The following FER variants were observed in gnomAD, a reference collection of about 807,000 sequenced individuals.
The protein encoded by FER is tyrosine-protein kinase Fer.
A neutral mutation model predicts 111.0 loss-of-function variants in FER; 63 were observed. The observed-to-expected ratio is 0.57, with a 90% CI of 0.46 to 0.70. The LOEUF is 0.70. FER is among the 30% of genes least tolerant of loss of function. The pLI is 0.00. For missense variants in FER, 914 were observed against 954.0 expected, an observed-to-expected ratio of 0.96 and a Z score of 0.55; for synonymous variants, 327 against 313.9, an observed-to-expected ratio of 1.04 and a Z score of -0.44.
At chr5:109,068,194 A>AT (rs1305169987) in intron 16 of FER, among the ~76,000 whole-genome samples, 1 of 137,950 alleles carries the variant, frequency 7.2e-6, no homozygotes, top group Non-Finnish European at 1.6e-5. Flanking sequence ...TTTTTTTTTC[A>AT]TTTTTTTGAG....
At chr5:109,017,735 A>C (rs1475782937) in intron 13 of FER, among the ~76,000 whole-genome samples, 1 of 151,976 alleles carries the variant, frequency 6.6e-6, no homozygotes, top group Non-Finnish European at 1.5e-5. Flanking sequence ...GCTTTAAGAT[A>C]AAATATAAGT....
At chr5:109,101,387 A>G (rs997589974) in intron 17 of FER, among the ~76,000 whole-genome samples, 1 of 151,930 alleles carries the variant, frequency 6.6e-6, no homozygotes, top group African/African-American at 2.4e-5. Context: ...TCTGAGGGGA[A>G]TCATTGTCCA....
chr5:109,009,044 CTTTTTT>C (rs1030906789), intron 13 of FER, among the ~76,000 whole-genome samples: 12 of 116,014 alleles, frequency 1.0e-4, no homozygotes, highest in African/African-American at 4.0e-4. Context: ...CCTCTTCAGT[CTTTTTT>C]TTTTTTTTTT....
chr5:109,151,181 A>G (rs1350242438), intron 17 of FER, among the ~76,000 whole-genome samples: 1 of 152,138 alleles, frequency 6.6e-6, no homozygotes, highest in African/African-American at 2.4e-5. Context: ...CTTTGTTTTT[A>G]CATTTGTTTT....
intron 3 of FER, among the ~76,000 whole-genome samples, chr5:108,808,780 C>T (rs904632838): frequency 1.3e-5 from 2 of 152,116 alleles, no homozygotes; most frequent in African/African-American, 2.4e-5. Flanking sequence ...TGTGAGGCGA[C>T]CTGGTATAGA....
At chr5:109,018,492 T>C (rs1186577710) in intron 13 of FER, among the ~76,000 whole-genome samples, 2 of 151,788 alleles carry the variant, frequency 1.3e-5, no homozygotes, top group Non-Finnish European at 1.5e-5. Flanking sequence ...CAATTTTCTG[T>C]GTGGTTTGGT....
chr5:109,183,364 T>A (rs923839715), intron 18 of FER, among the ~76,000 whole-genome samples: 14 of 151,156 alleles, frequency 9.3e-5, no homozygotes, highest in Non-Finnish European at 1.8e-4. Flanking sequence ...TTCTCCTGTC[T>A]CAGCCTCCCC....
intron 3 of FER, among the ~76,000 whole-genome samples, chr5:108,822,748 AT>A (rs770174355): frequency 0.049 from 5,039 of 102,238 alleles, 265 homozygotes; most frequent in African/African-American, 0.15. Flanking sequence ...ATTTTATTTT[AT>A]TTTATTTTAT....
At chr5:108,825,210 G>GT (rs1759325998) in intron 3 of FER, among the ~76,000 whole-genome samples, 1 of 152,158 alleles carries the variant, frequency 6.6e-6, no homozygotes. Context: ...AATTTATTAG[G>GT]TGGGAATTTC....
rs547416909 is a variant in FER, at chr5:109,186,145, G to A, written c.2204-55G>A. 5.0e-6 allele frequency: 8 copies of A among 1,613,114 alleles called. No individual in the cohort carries two copies. In the South Asian group the frequency reaches 5.5e-5, roughly 11 times the overall value. ...ACACAGACATACATAACCAGGAAGG[G>A]TCACCTACTTGTCTACTGTGCCTCA... On this transcript the variant is annotated intron_variant, in intron 18 of 19. Coordinates refer to ENST00000281092, the MANE Select transcript of FER (RefSeq NM_005246.4).
rs549457074 is a variant in FER, at chr5:108,828,792, T to C, written c.208-3978T>C. Among the ~76,000 whole-genome samples, 7 of 152,324 alleles carry C rather than the reference T, an allele frequency of 4.6e-5. No individual in the cohort carries two copies. The East Asian group carries it at 1.4e-3, about 29-fold the overall frequency. ...TTCAAGTGGCCGACAATATTTTGTT[T>C]ATTAAGTTACAAAGAATTAGCTTGC... On this transcript the variant is annotated intron_variant, in intron 3 of 19. Transcript: ENST00000281092.
At chr5:109,153,714 C>A (rs1197911806) in intron 17 of FER, among the ~76,000 whole-genome samples, 1 of 151,574 alleles carries the variant, frequency 6.6e-6, no homozygotes, top group Non-Finnish European at 1.5e-5. Flanking sequence ...TATCATTATC[C>A]CCAGTTTACA....
At position 108,867,964 on chromosome 5, in the gene FER, T is replaced by C. The variant is rs905354872; in HGVS notation, c.665+14T>C. The stretch of plus-strand genomic sequence containing the variant: ...GATAAAAGCACTGTAAGATACATTT[T>C]CTTTTTATCATAAAATCCCTTCACA... On this transcript the variant is annotated intron_variant, in intron 6 of 19. Coordinates refer to ENST00000281092, the MANE Select transcript of FER (RefSeq NM_005246.4). The C allele has an allele frequency of 1.3e-6, 2 of 1,589,672 alleles. No individual in the cohort carries two copies. The highest frequency in any genetic ancestry group is 3.7e-5 in the Admixed American group (2 of 53,406).
rs1361284216 is a variant in FER, at chr5:109,196,755, T to C, written c.*9180T>C. ...CTTAGATCATTTTTTAATTGTCTTT[T>C]CTTTTCCAATAGACCAGTTACCACT... On this transcript the variant is annotated 3_prime_UTR_variant, in exon 20 of 20. Coordinates refer to ENST00000281092, the MANE Select transcript of FER (RefSeq NM_005246.4). The C allele has an allele frequency of 6.6e-6, 1 of 150,826 alleles. No homozygotes were observed. The highest frequency in any genetic ancestry group is 1.5e-5 in the Non-Finnish European group (1 of 68,026). 9.3% of individuals were successfully genotyped at this position (150,826 alleles called of 1,614,324 possible). A position where few individuals can be genotyped will look rare whatever the true frequency, so the allele number is the denominator to read the frequency against.
intron 2 of FER, among the ~76,000 whole-genome samples, chr5:108,771,876 A>G (rs1010464719): frequency 6.6e-6 from 1 of 152,242 alleles, no homozygotes; most frequent in African/African-American, 2.4e-5. Flanking sequence ...GAAAATAACC[A>G]TAACATTAAG....
At chr5:109,164,526 A>G (rs1756334817) in intron 17 of FER, among the ~76,000 whole-genome samples, 1 of 152,060 alleles carries the variant, frequency 6.6e-6, no homozygotes, top group East Asian at 1.9e-4. Context: ...AATCATGTCT[A>G]TATCTGTATT....
intron 3 of FER, among the ~76,000 whole-genome samples, chr5:108,806,334 A>G (rs1481298459): frequency 1.3e-5 from 2 of 152,220 alleles, no homozygotes; most frequent in African/African-American, 4.8e-5. Flanking sequence ...GCTCTCCTGG[A>G]GAACCTCTGC....
At chr5:108,886,314 G>T (rs1478343209) in intron 9 of FER, among the ~76,000 whole-genome samples, 1 of 151,334 alleles carries the variant, frequency 6.6e-6, no homozygotes, top group Non-Finnish European at 1.5e-5. Context: ...TAAGAGAGGA[G>T]CCTTGAAGGG....
chr5:108,846,387 T>C (rs562619479), intron 5 of FER, among the ~76,000 whole-genome samples: 205 of 152,024 alleles, frequency 1.3e-3, no homozygotes, highest in African/African-American at 4.3e-3. Context: ...TTATATGCCA[T>C]TGTACTCCAG....
Sources: gnomAD v4.1 joint callset for allele counts (sites outside exome capture counted in the v4.1 genomes callset) on GRCh38, gnomAD v4.1.1 for gene constraint, MANE v1.5 for transcripts, NCBI Gene and HGNC (gene_info 2026-07-23, HGNC 2026-07-21) for gene names.